CPEB3: variants seen among roughly 807,000 people sequenced by gnomAD.
CPEB3 encodes the protein cytoplasmic polyadenylation element-binding protein 3.
A neutral mutation model predicts 67.2 loss-of-function variants in CPEB3; 20 were observed. The observed-to-expected ratio is 0.30, with a 90% CI of 0.21 to 0.43. CPEB3 has a LOEUF of 0.43. CPEB3 is among the 20% of genes least tolerant of loss of function. The probability of loss-of-function intolerance (pLI) is 1.00; values close to 1 mark genes in which losing one functional copy is unlikely to be tolerated. For synonymous variants in CPEB3, 376 were observed against 393.1 expected (o/e 0.96, Z 0.51); for missense variants, 746 against 968.6 (o/e 0.77, Z 3.05).
chr10:92,134,267 C>G (rs190642082), intron 6 of CPEB3, among the ~76,000 whole-genome samples: 2 of 152,022 alleles, frequency 1.3e-5, no homozygotes, highest in South Asian at 2.1e-4. Flanking sequence ...TTTAGAAAAC[C>G]CCATCATCTC....
At chr10:92,060,661 C>T (rs1317052873) in intron 9 of CPEB3, among the ~76,000 whole-genome samples, 3 of 152,186 alleles carry the variant, frequency 2.0e-5, no homozygotes, top group East Asian at 3.9e-4. Context: ...TCAAACAACT[C>T]TATAGGAAAA....
chr10:92,204,840 T>C (rs970994822), intron 2 of CPEB3, among the ~76,000 whole-genome samples: 3 of 143,846 alleles, frequency 2.1e-5, no homozygotes, highest in African/African-American at 8.1e-5. Context: ...TAACCACTTT[T>C]TTTTTTTTTT....
At chr10:92,164,035 T>C (rs1847620721) in intron 4 of CPEB3, among the ~76,000 whole-genome samples, 1 of 152,202 alleles carries the variant, frequency 6.6e-6, no homozygotes, top group African/African-American at 2.4e-5. Flanking sequence ...TAATGACTGA[T>C]AAGCAAAATA....
At chr10:92,243,532 T>C (rs550263865) in intron 1 of CPEB3, among the ~76,000 whole-genome samples, 2 of 152,300 alleles carry the variant, frequency 1.3e-5, no homozygotes, top group African/African-American at 4.8e-5. Flanking sequence ...GGAAACTGAA[T>C]TGTAGTATTC....
chr10:92,265,894 G>A (rs914803373), intron 1 of CPEB3, among the ~76,000 whole-genome samples: 1 of 151,666 alleles, frequency 6.6e-6, no homozygotes, highest in Non-Finnish European at 1.5e-5. Context: ...GTTGAGAGGT[G>A]GAGCCTTGAG....
intron 2 of CPEB3, among the ~76,000 whole-genome samples, chr10:92,207,885 A>C (rs969149271): frequency 2.0e-5 from 3 of 152,186 alleles, no homozygotes; most frequent in African/African-American, 7.2e-5. Flanking sequence ...AAACAACAAC[A>C]AAAAAACATG....
chr10:92,137,334 T>A, intron 6 of CPEB3: 1 of 834,120 alleles, frequency 1.2e-6, no homozygotes, highest in East Asian at 2.7e-5. Flanking sequence ...CCCCTGGCCA[T>A]ATATCTGATA....
At chr10:92,167,513 C>T (rs1049921995) in intron 4 of CPEB3, among the ~76,000 whole-genome samples, 2 of 152,142 alleles carry the variant, frequency 1.3e-5, no homozygotes, top group African/African-American at 4.8e-5. Flanking sequence ...GGGAGAGAAA[C>T]AGTAGAATGG....
intron 1 of CPEB3, among the ~76,000 whole-genome samples, chr10:92,281,853 G>T (rs1842310931): frequency 6.6e-6 from 1 of 152,212 alleles, no homozygotes; most frequent in African/African-American, 2.4e-5. Context: ...AAGGTGCAGA[G>T]TTTTATCTAC....
chr10:92,095,099 A>G (rs1843798629), intron 7 of CPEB3, among the ~76,000 whole-genome samples: 2 of 152,160 alleles, frequency 1.3e-5, no homozygotes, highest in South Asian at 4.1e-4. Context: ...GAACTCTGCA[A>G]AAGATCTCAA....
chr10:92,264,402 T>A (rs1014489541), intron 1 of CPEB3, among the ~76,000 whole-genome samples: 8 of 151,382 alleles, frequency 5.3e-5, no homozygotes, highest in Admixed American at 2.0e-4. Context: ...TAAGCTCAGG[T>A]CTATTTTTAT....
chr10:92,232,968 T>C (rs186331508), intron 2 of CPEB3, among the ~76,000 whole-genome samples: 16 of 152,322 alleles, frequency 1.1e-4, no homozygotes, highest in Non-Finnish European at 2.4e-4. Context: ...ACGTTTCTAG[T>C]AGCACAAAAA....
intron 2 of CPEB3, among the ~76,000 whole-genome samples, chr10:92,237,447 G>A (rs774651621): frequency 2.0e-5 from 3 of 152,162 alleles, no homozygotes; most frequent in African/African-American, 7.2e-5. Flanking sequence ...ATTGGTGAAT[G>A]GTTTGCTGTG....
intron 4 of CPEB3, among the ~76,000 whole-genome samples, chr10:92,180,628 G>C (rs1848419221): frequency 6.6e-6 from 1 of 152,208 alleles, no homozygotes; most frequent in African/African-American, 2.4e-5. Flanking sequence ...CCAGCTTGCA[G>C]AGCTATAGTT....
chr10:92,168,898 C>T (rs1423122051), intron 4 of CPEB3, among the ~76,000 whole-genome samples: 1 of 147,370 alleles, frequency 6.8e-6, no homozygotes, highest in Non-Finnish European at 1.5e-5. Flanking sequence ...CAGGTTCAAG[C>T]GATTCTCTTG....
intron 2 of CPEB3, among the ~76,000 whole-genome samples, chr10:92,194,646 A>G (rs1849142652): frequency 6.6e-6 from 1 of 152,176 alleles, no homozygotes; most frequent in South Asian, 2.1e-4. Context: ...TAAAGAAAAA[A>G]GTATTATTTC....
At chr10:92,252,048 A>G (rs918420562) in intron 1 of CPEB3, among the ~76,000 whole-genome samples, 7 of 152,092 alleles carry the variant, frequency 4.6e-5, no homozygotes, top group Admixed American at 6.5e-5. Flanking sequence ...CTCTCTATAT[A>G]TATTTTTTTT....
intron 1 of CPEB3, among the ~76,000 whole-genome samples, chr10:92,262,117 G>A (rs1289340114): frequency 3.3e-5 from 5 of 152,156 alleles, no homozygotes; most frequent in Non-Finnish European, 5.9e-5. Context: ...ATAGATATAT[G>A]CACCAAATGT....
intron 1 of CPEB3, among the ~76,000 whole-genome samples, chr10:92,285,674 A>G (rs1842499041): frequency 6.6e-6 from 1 of 152,222 alleles, no homozygotes; most frequent in Non-Finnish European, 1.5e-5. Flanking sequence ...TTCAAGTTAT[A>G]AAGGATAACT....
Sources: allele counts gnomAD v4.1 joint callset (sites outside exome capture counted in the v4.1 genomes callset), GRCh38; gene constraint gnomAD v4.1.1; transcripts MANE v1.5; gene names NCBI Gene and HGNC (gene_info 2026-07-23, HGNC 2026-07-21).